The following ZNF708 variants were observed in gnomAD, a reference collection of about 807,000 sequenced individuals.
The protein encoded by ZNF708 is ZNF15, ZNF15L1.
Under a neutral mutation model 47.0 loss-of-function variants are expected in ZNF708, and 44 were observed. The ratio of observed to expected loss-of-function variants is 0.94; its 90% CI spans 0.74 to 1.20. The LOEUF is 1.20. Among genes scored for constraint, ZNF708 ranks in the 50% most tolerant of loss-of-function variants. The probability of loss-of-function intolerance (pLI) is 0.00; values close to 1 mark genes in which losing one functional copy is unlikely to be tolerated. For missense variants in ZNF708, 557 were observed against 656.0 expected, an observed-to-expected ratio of 0.85 and a Z score of 1.65; for synonymous variants, 184 against 218.5, an observed-to-expected ratio of 0.84 and a Z score of 1.39.
chr19:21,316,278 C>G (rs890218737), intron 1 of ZNF708, among the ~76,000 whole-genome samples: 5 of 151,622 alleles, frequency 3.3e-5, no homozygotes, highest in African/African-American at 1.2e-4. Context: ...GCATGCGCCA[C>G]CACGCCTGGC....
At chr19:21,294,888 C>A in intron 3 of ZNF708, 149 bp from the exon 4 acceptor site, 1 of 793,992 alleles carries the variant, frequency 1.3e-6, no homozygotes, top group South Asian at 2.6e-5. Context: ...GTAACAAAAG[C>A]ATTCTGACCA....
rs1360015235 is a variant in ZNF708, at chr19:21,293,973, A to G, written c.993T>C (p.Thr331=). The change falls in exon 4 of 4, where the codon ACT becomes ACC. Residue 331 remains threonine, a synonymous_variant. Transcript: ENST00000356929. The stretch of plus-strand genomic sequence containing the variant: ...CTTCACATTTGTAGGGTTTCTCACC[A>G]GTATGAATCCTCTTATGTGTAGTAA... ...SHLTTHKRIH[T]GEKPYKCEEC... 1 of 1,613,022 alleles carries G rather than the reference A, an allele frequency of 6.2e-7. No individual in the cohort carries two copies.
At chr19:21,322,315 C>A (rs1278355784) in intron 1 of ZNF708, among the ~76,000 whole-genome samples, 1 of 131,092 alleles carries the variant, frequency 7.6e-6, no homozygotes, top group Non-Finnish European at 1.7e-5. Context: ...TTTTTTTTTT[C>A]TTTTGAGACA....
rs774287297 is a variant in ZNF708 at position 21,293,501 on chromosome 19, A to T, written c.1465T>A (p.Ser489Thr). ...EECGKSFILS[S>T]HLTTHKIIHT... The stretch of plus-strand genomic sequence containing the variant: ...ATTATCTTATGTGTAGTAAGATGAG[A>T]GGACAGAATAAAGCTTTTGCCACAT... Residue 489 changes from serine (S) to threonine (T), a missense_variant, in exon 4 of 4, where the codon TCT (serine) becomes ACT (threonine). Coordinates refer to ENST00000356929, the MANE Select transcript of ZNF708 (RefSeq NM_021269.3). The T allele has an allele frequency of 1.2e-6, 2 of 1,613,270 alleles. No homozygotes were observed. The highest frequency in any genetic ancestry group is 2.7e-5 in the African/African-American group (2 of 74,838).
At chr19:21,297,268 ATATTTTTTTTTTTTTT>A (rs1972553620) in intron 3 of ZNF708, among the ~76,000 whole-genome samples, 1 of 15,356 alleles carries the variant, frequency 6.5e-5, no homozygotes, top group African/African-American at 2.0e-4. Context: ...ATATATATAT[ATATTTTTTTTTTTTTT>A]TTTTTTTTTT....
rs1205993843 is a variant in ZNF708, at chr19:21,293,171, G to A, written c.*103C>T. On this transcript the variant is annotated 3_prime_UTR_variant, in exon 4 of 4. Transcript: ENST00000356929. ...TTTGTTTCATAAGGATTAAGAGCCA[G>A]TTAAAGGCTTTGCCACATTTATCAC... 4 of 1,359,060 alleles carry A rather than the reference G, an allele frequency of 2.9e-6. No individual in the cohort carries two copies. The highest frequency in any genetic ancestry group is 4.1e-6 in the Non-Finnish European group (4 of 978,076). The allele number at this position is 1,359,060 out of a possible 1,614,324, so 84.2% of individuals were successfully genotyped here.
At chr19:21,309,776 T>C (rs1173132984) in intron 2 of ZNF708, among the ~76,000 whole-genome samples, 1 of 152,238 alleles carries the variant, frequency 6.6e-6, no homozygotes, top group Admixed American at 6.5e-5. Context: ...TATATTCTAG[T>C]AAATTAATCA....
At chr19:21,296,090 T>TAACCAGTAACTTTTCAAAAAAA in intron 3 of ZNF708, among the ~76,000 whole-genome samples, 1 of 151,676 alleles carries the variant, frequency 6.6e-6, no homozygotes, top group Admixed American at 6.6e-5. Flanking sequence ...TTTATAAAAA[T>TAACCAGTAACTTTTCAAAAAAA]GTCTTATGAG....
chr19:21,327,950 C>T (rs1973296220), intron 1 of ZNF708: 2 of 1,024,034 alleles, frequency 2.0e-6, no homozygotes, highest in Non-Finnish European at 2.4e-6. Flanking sequence ...TGAGAAGCTA[C>T]ACTCCATACC....
At position 21,294,025 on chromosome 19, in the gene ZNF708, C is replaced by A; in HGVS notation, c.941G>T (p.Gly314Val). Reference sequence around the variant, plus strand: ...GTGTGAAGATAGGGTAAAGGCTTTGCCACATTCTCCACATTTGTAGGGTTT... The same window carrying A: ...GTGTGAAGATAGGGTAAAGGCTTTGACACATTCTCCACATTTGTAGGGTTT... ...GEKPYKCGEC[G>V]KAFTLSSHLT... Residue 314 changes from glycine to valine, a missense_variant, in exon 4 of 4, where the codon GGC (glycine) becomes GTC (valine). Coordinates refer to ENST00000356929, the MANE Select transcript of ZNF708 (RefSeq NM_021269.3). 3 of 1,612,994 alleles carry A rather than the reference C, an allele frequency of 1.9e-6. No individual in the cohort carries two copies. Among genetic ancestry groups the A allele is most frequent in the Non-Finnish European group, 2.5e-6 (3 of 1,179,356 alleles).
In ZNF708 at chr19:21,293,023, T is replaced by C; in HGVS notation, c.*251A>G. 1 of 435,544 alleles carries C rather than the reference T, an allele frequency of 2.3e-6. No individual in the cohort carries two copies. Among genetic ancestry groups the C allele is most frequent in the Non-Finnish European group, 4.1e-6 (1 of 242,748 alleles). The allele number at this position is 435,544 out of a possible 1,614,324, so 27.0% of individuals were successfully genotyped here. A position where few individuals can be genotyped will look rare whatever the true frequency, so the allele number is the denominator to read the frequency against. On this transcript the variant is annotated 3_prime_UTR_variant, in exon 4 of 4. Transcript: ENST00000356929. ...AGGTGTTGTCAGAATTACTGTGATGTCTTCCAGCTTTGTAGTTTCTCTCCA... is the reference window on the plus strand; with the variant it reads ...AGGTGTTGTCAGAATTACTGTGATGCCTTCCAGCTTTGTAGTTTCTCTCCA...
At chr19:21,303,857 C>CAA (rs1307374971) in intron 3 of ZNF708, among the ~76,000 whole-genome samples, 10 of 151,834 alleles carry the variant, frequency 6.6e-5, no homozygotes, top group African/African-American at 2.4e-4. Flanking sequence ...TACCAGGAAT[C>CAA]TATAACTATT....
intron 3 of ZNF708, among the ~76,000 whole-genome samples, chr19:21,301,323 A>G (rs1972655344): frequency 6.6e-6 from 1 of 152,034 alleles, no homozygotes; most frequent in Non-Finnish European, 1.5e-5. Flanking sequence ...CTAAAAAAAT[A>G]CAAAAGTTAG....
chr19:21,293,750 T>C lies in ZNF708; in HGVS notation c.1216A>G (p.Thr406Ala), dbSNP rs754334293. The change falls in exon 4 of 4, where the codon ACT becomes GCT. Residue 406 changes from threonine (T) to alanine (A), a missense_variant. Transcript: ENST00000356929. ...ECGKAFTKSS[T>A]LTYHKVIHTG... ...TGAATTACCTTATGATAAGTAAGAG[T>C]TGAGGACTTGGTAAAGGCTTTACCA... 3 of 1,613,000 alleles carry C rather than the reference T, an allele frequency of 1.9e-6. No individual in the cohort carries two copies. Among genetic ancestry groups the C allele is most frequent in the Non-Finnish European group, 2.5e-6 (3 of 1,179,734 alleles).
intron 3 of ZNF708, among the ~76,000 whole-genome samples, chr19:21,308,449 T>G (rs1972831599): frequency 6.6e-6 from 1 of 152,118 alleles, no homozygotes; most frequent in South Asian, 2.1e-4. Flanking sequence ...CTGGCTAATT[T>G]TGTATTTTTA....
At chr19:21,298,781 A>T (rs2145153344) in intron 3 of ZNF708, among the ~76,000 whole-genome samples, 1 of 152,358 alleles carries the variant, frequency 6.6e-6, no homozygotes, top group African/African-American at 2.4e-5. Context: ...TTATTGCAGC[A>T]CTGTTACTGA....
At chr19:21,304,571 G>A (rs139117167) in intron 3 of ZNF708, among the ~76,000 whole-genome samples, 3 of 152,234 alleles carry the variant, frequency 2.0e-5, no homozygotes, top group African/African-American at 7.2e-5. Context: ...GTTCTGTTAC[G>A]ACACATACCA....
chr19:21,313,757 C>CAAA (rs71176848), intron 1 of ZNF708, among the ~76,000 whole-genome samples: 1 of 109,798 alleles, frequency 9.1e-6, no homozygotes. Flanking sequence ...GACTATGTCT[C>CAAA]AAAAAAAAAA....
At chr19:21,301,014 G>A (rs1042077967) in intron 3 of ZNF708, among the ~76,000 whole-genome samples, 1 of 152,006 alleles carries the variant, frequency 6.6e-6, no homozygotes, top group Non-Finnish European at 1.5e-5. Flanking sequence ...TTATTGGTGT[G>A]AGGTGGCATA....
Sources: allele counts gnomAD v4.1 joint callset (sites outside exome capture counted in the v4.1 genomes callset), GRCh38; gene constraint gnomAD v4.1.1; transcripts MANE v1.5; gene names NCBI Gene and HGNC (gene_info 2026-07-23, HGNC 2026-07-21).